Variants in NRG3 observed in about 807,000 individuals in gnomAD.
The protein encoded by NRG3 is pro-neuregulin-3, membrane-bound isoform.
In NRG3, 31 loss-of-function variants were observed where a neutral mutation model predicts 66.9. The ratio of observed to expected loss-of-function variants is 0.46; its 90% CI spans 0.35 to 0.63. The LOEUF is 0.63. Among genes scored for constraint, NRG3 ranks in the 20% least tolerant of loss-of-function variants. The pLI is 0.00. For missense variants in NRG3, 910 were observed against 878.9 expected (o/e 1.04, Z -0.45); for synonymous variants, 393 against 359.4 (o/e 1.09, Z -1.06).
At chr10:82,471,298 G>C (rs987277611) in intron 2 of NRG3, among the ~76,000 whole-genome samples, 6 of 152,036 alleles carry the variant, frequency 3.9e-5, no homozygotes, top group African/African-American at 1.4e-4. Context: ...CAAACGGTCC[G>C]AACTTCCCAC....
chr10:82,791,766 G>T lies in NRG3; in HGVS notation c.1027+53116G>T, dbSNP rs562340267. Reference sequence around the variant, plus strand: ...TGCCCCAACTTGCTTTGCTGCCTCAGGCATCAGCCACGTTAAACAATTGCT... The same window carrying T: ...TGCCCCAACTTGCTTTGCTGCCTCATGCATCAGCCACGTTAAACAATTGCT... On this transcript the variant is annotated intron_variant, in intron 3 of 8. Transcript: ENST00000372141. Among the ~76,000 whole-genome samples, 10 of 152,236 alleles carry T rather than the reference G, an allele frequency of 6.6e-5. 1 individual carries two copies. The South Asian group carries it at 2.1e-3, about 32-fold the overall frequency.
chr10:82,449,970 C>T (rs2090938638), intron 2 of NRG3, among the ~76,000 whole-genome samples: 1 of 152,162 alleles, frequency 6.6e-6, no homozygotes, highest in African/African-American at 2.4e-5. Context: ...TGGAAAGAAG[C>T]TCTATAAAAG....
chr10:82,118,246 A>C (rs1170910799), intron 1 of NRG3, among the ~76,000 whole-genome samples: 1 of 151,282 alleles, frequency 6.6e-6, no homozygotes, highest in Non-Finnish European at 1.5e-5. Context: ...AAAAATCTAT[A>C]TGTGCTCTGG....
In NRG3 at chr10:82,294,520, C is replaced by A. The variant is rs549781503; in HGVS notation, c.824-64219C>A. ...CATACAGTCATATGCCACCTGCCAC[C>A]TCCGTATTGTGCTGTAAGACTTCTT... On this transcript the variant is annotated intron_variant, in intron 1 of 8. Transcript: ENST00000372141. Among the ~76,000 whole-genome samples, 8 of 152,104 alleles carry A rather than the reference C, an allele frequency of 5.3e-5. No individual in the cohort carries two copies. The East Asian group carries it at 1.5e-3, about 29-fold the overall frequency.
At chr10:82,032,207 G>T (rs1198323938) in intron 1 of NRG3, among the ~76,000 whole-genome samples, 1 of 151,172 alleles carries the variant, frequency 6.6e-6, no homozygotes, top group Non-Finnish European at 1.5e-5. Flanking sequence ...TTCTGTTGAT[G>T]GACCTGCAAA....
intron 1 of NRG3, among the ~76,000 whole-genome samples, chr10:82,291,289 A>G (rs894081339): frequency 3.3e-5 from 5 of 152,220 alleles, no homozygotes; most frequent in Non-Finnish European, 5.9e-5. Context: ...TAAACTTTAA[A>G]AAACATAATC....
chr10:82,969,506 C>G (rs1851533431), intron 6 of NRG3, among the ~76,000 whole-genome samples: 1 of 152,096 alleles, frequency 6.6e-6, no homozygotes, highest in African/African-American at 2.4e-5. Flanking sequence ...ATCTCTGTAC[C>G]TTCTCTTTGT....
chr10:82,708,507 T>C (rs2056460082), intron 2 of NRG3, among the ~76,000 whole-genome samples: 1 of 152,208 alleles, frequency 6.6e-6, no homozygotes, highest in Non-Finnish European at 1.5e-5. Context: ...GGCTCCCTTC[T>C]TTGTGTCCAT....
chr10:82,341,196 C>G (rs920342045), intron 1 of NRG3, among the ~76,000 whole-genome samples: 2 of 152,014 alleles, frequency 1.3e-5, no homozygotes, highest in Non-Finnish European at 2.9e-5. Flanking sequence ...GAATGAACTA[C>G]TAAAAAACGA....
At position 82,741,387 on chromosome 10, in the gene NRG3, C is replaced by T. The variant is rs115044805; in HGVS notation, c.1027+2737C>T. 4.9e-3 allele frequency among the ~76,000 whole-genome samples: 740 copies of T among 152,222 alleles called. 4 individuals carry two copies. Among genetic ancestry groups the T allele is most frequent in the African/African-American group, 0.016 (681 of 41,538 alleles). On this transcript the variant is annotated intron_variant, in intron 3 of 8. Transcript: ENST00000372141. ...TTTTCCGACGTTAGCAGATTTGATTCGGCTTCCAGGCCTCAGGCTTTCACT... is the reference window on the plus strand; with the variant it reads ...TTTTCCGACGTTAGCAGATTTGATTTGGCTTCCAGGCCTCAGGCTTTCACT...
intron 2 of NRG3, among the ~76,000 whole-genome samples, chr10:82,542,561 T>A (rs1768964873): frequency 6.6e-6 from 1 of 152,206 alleles, no homozygotes. Context: ...AATAAAGAAG[T>A]GACTAACTGT....
chr10:82,654,096 AT>A (rs894984585), intron 2 of NRG3, among the ~76,000 whole-genome samples: 2 of 151,914 alleles, frequency 1.3e-5, no homozygotes, highest in Admixed American at 1.3e-4. Context: ...TAGAAATACC[AT>A]TTTTTTTCCT....
intron 1 of NRG3, among the ~76,000 whole-genome samples, chr10:81,943,622 A>T (rs1037311776): frequency 6.6e-6 from 1 of 152,196 alleles, no homozygotes; most frequent in Non-Finnish European, 1.5e-5. Flanking sequence ...CTAGATTGTG[A>T]ATAAAGCAGA....
intron 1 of NRG3, among the ~76,000 whole-genome samples, chr10:81,925,517 G>A (rs886487600): frequency 3.3e-5 from 5 of 152,190 alleles, no homozygotes; most frequent in African/African-American, 1.2e-4. Context: ...TGTAAGGGCT[G>A]CCACACTGAG....
chr10:82,529,886 A>G (rs1847090429), intron 2 of NRG3, among the ~76,000 whole-genome samples: 1 of 152,168 alleles, frequency 6.6e-6, no homozygotes, highest in South Asian at 2.1e-4. Flanking sequence ...TGTTATCCAT[A>G]TACAAAAAAA....
intron 1 of NRG3, among the ~76,000 whole-genome samples, chr10:82,030,699 GA>G (rs397697434): frequency 0.043 from 6,060 of 142,330 alleles, 404 homozygotes; most frequent in African/African-American, 0.14. Context: ...GTCTAATTTG[GA>G]AAAAAAAAAA....
Position 82,402,371 on chromosome 10 carries a change from G to A in NRG3, c.953+43503G>A, listed in dbSNP as rs559770053. On this transcript the variant is annotated intron_variant, in intron 2 of 8. Coordinates refer to ENST00000372141, the MANE Select transcript of NRG3 (RefSeq NM_001010848.4). ...TCATGTCTATAGCTGTGCCTAGTTA[G>A]TAATCAGAAGGTTGAGTTTGGGGGA... is the stretch of plus-strand genomic sequence containing the variant. Among the ~76,000 whole-genome samples the A allele has an allele frequency of 2.0e-5, 3 of 152,244 alleles. No homozygotes were observed. The East Asian group carries it at 5.8e-4, about 30-fold the overall frequency.
At chr10:82,194,450 A>G (rs1196982857) in intron 1 of NRG3, among the ~76,000 whole-genome samples, 1 of 152,126 alleles carries the variant, frequency 6.6e-6, no homozygotes, top group Non-Finnish European at 1.5e-5. Context: ...TGGAATCCAG[A>G]GTATAAGCAA....
At chr10:82,395,636 C>A (rs1465859430) in intron 2 of NRG3, among the ~76,000 whole-genome samples, 1 of 152,086 alleles carries the variant, frequency 6.6e-6, no homozygotes, top group Non-Finnish European at 1.5e-5. Context: ...CATCATTCAT[C>A]CATCCATCTA....
Sources: gnomAD v4.1 joint callset for allele counts (sites outside exome capture counted in the v4.1 genomes callset) on GRCh38, gnomAD v4.1.1 for gene constraint, MANE v1.5 for transcripts, NCBI Gene and HGNC (gene_info 2026-07-23, HGNC 2026-07-21) for gene names.